Variants in SCAF1 observed in about 807,000 individuals in gnomAD.
SCAF1 encodes splicing factor, arginine/serine-rich 19.
In SCAF1, 28 loss-of-function variants were observed where a neutral mutation model predicts 91.2. The observed-to-expected ratio is 0.31, with a 90% CI of 0.23 to 0.42. The LOEUF (loss-of-function observed/expected upper bound fraction) is 0.42. Ranked by LOEUF, SCAF1 falls within the 10% of genes least tolerant of loss-of-function variation. The probability of loss-of-function intolerance (pLI) is 1.00; values close to 1 mark genes in which losing one functional copy is unlikely to be tolerated. For missense variants in SCAF1, 1,893 were observed against 1,872.1 expected, an observed-to-expected ratio of 1.01 and a Z score of -0.21; for synonymous variants, 1,036 against 833.7, an observed-to-expected ratio of 1.24 and a Z score of -4.18.
chr19:49,651,685 T>G lies in SCAF1; in HGVS notation c.1296T>G (p.Leu432=). The change falls in exon 7 of 11, where the codon CTT becomes CTG. Residue 432 remains leucine (L), a synonymous_variant. Transcript: ENST00000360565. ...AASATPTAQP[L]PQPPAPRAPE... is the part of the protein sequence containing the mutation. ...CGGCCACCCCCACGGCCCAGCCCCT[T>G]CCTCAGCCTCCCGCTCCGCGGGCCC... 4.3e-6 allele frequency: 6 copies of G among 1,399,108 alleles called. No homozygotes were observed. Among genetic ancestry groups the G allele is most frequent in the Non-Finnish European group, 5.5e-6 (6 of 1,088,308 alleles). The allele number at this position is 1,399,108 out of a possible 1,614,324, so 86.7% of individuals were successfully genotyped here.
intron 6 of SCAF1, among the ~76,000 whole-genome samples, chr19:49,650,107 T>A (rs898632090): frequency 6.6e-6 from 1 of 152,224 alleles, no homozygotes; most frequent in South Asian, 2.1e-4. Flanking sequence ...CGAAGCACCA[T>A]GCCTGGTTTG....
rs1446204343 is a variant in SCAF1, at chr19:49,651,837, G to A, written c.1448G>A (p.Arg483His). The change falls in exon 7 of 11, where the codon CGC becomes CAC. Residue 483 changes from arginine (R) to histidine (H), a missense_variant. Physicochemically the swap from Arg to His is conservative, Grantham distance 29 (BLOSUM62 0). Transcript: ENST00000360565. ...ADSRWGGLDL[R>H]RKILTQRRER... ...TCGCGCTGGGGCGGCCTGGACCTGC[G>A]CCGCAAGATCCTGACCCAACGGCGG... 5 of 1,253,182 alleles carry A rather than the reference G, an allele frequency of 4.0e-6. No individual in the cohort carries two copies. Among genetic ancestry groups the A allele is most frequent in the Non-Finnish European group, 5.0e-6 (5 of 999,600 alleles). 77.6% of individuals were successfully genotyped at this position (1,253,182 alleles called of 1,614,324 possible).
At chr19:49,647,385 G>A (rs2081061835) in intron 6 of SCAF1, among the ~76,000 whole-genome samples, 1 of 152,170 alleles carries the variant, frequency 6.6e-6, no homozygotes, top group East Asian at 1.9e-4. Context: ...CACATCACTG[G>A]GCCCACTCCC....
chr19:49,653,517 C>G lies in SCAF1; in HGVS notation c.3128C>G (p.Ala1043Gly), dbSNP rs1259664325. Residue 1043 changes from alanine (A) to glycine (G), a missense_variant, in exon 7 of 11, where the codon GCT becomes GGT. Ala to Gly is a moderately conservative substitution (Grantham distance 60). This residue lies in a region of SCAF1 where 1,436 missense variants were observed against 1,306.8 expected (regional missense o/e 1.10). Coordinates refer to ENST00000360565, the MANE Select transcript of SCAF1 (RefSeq NM_021228.3). ...GAAGAGGAGGAGGAGCAGCAGCCTG[C>G]TACCACCACGGCCACCAGCACTGCT... ...EEEEEEEQQP[A>G]TTTATSTAAA... The G allele has an allele frequency of 6.4e-7, 1 of 1,573,512 alleles. No individual in the cohort carries two copies. The highest frequency in any genetic ancestry group is 8.6e-7 in the Non-Finnish European group (1 of 1,164,052).
Position 49,653,557 on chromosome 19 carries a change from C to G in SCAF1, c.3168C>G (p.Ser1056Arg). ...TATSTAAAAPSTAPSAGSTAG... is the reference protein window; with the variant it reads ...TATSTAAAAPRTAPSAGSTAG... ...CCAGCACTGCTGCAGCCGCCCCAAG[C>G]ACTGCCCCCAGCGCGGGGTCCACAG... Residue 1056 changes from serine to arginine, a missense_variant, in exon 7 of 11, where the codon AGC becomes AGG. Physicochemically the swap from Ser to Arg is moderately radical, Grantham distance 110. Coordinates refer to ENST00000360565, the MANE Select transcript of SCAF1 (RefSeq NM_021228.3). 6.3e-7 allele frequency: 1 copy of G among 1,586,874 alleles called. No homozygotes were observed. Among genetic ancestry groups the G allele is most frequent in the Non-Finnish European group, 8.5e-7 (1 of 1,170,738 alleles).
chr19:49,654,725 C>T lies in SCAF1; in HGVS notation c.3473C>T (p.Pro1158Leu). 6.2e-7 allele frequency: 1 copy of T among 1,614,058 alleles called. No homozygotes were observed. Among genetic ancestry groups the T allele is most frequent in the Non-Finnish European group, 8.5e-7 (1 of 1,179,974 alleles). The change falls in exon 9 of 11, where the codon CCC becomes CTC. Residue 1158 changes from proline to leucine, a missense_variant. Pro to Leu is a moderately conservative substitution (Grantham distance 98). Around this residue, in one of 5 missense-constraint regions of SCAF1, gnomAD observed 1,436 missense variants for 1,306.8 expected, o/e 1.10. Transcript: ENST00000360565. ...PAPVPTSLGLPPGPSSYLLPG... is the reference protein window; with the variant it reads ...PAPVPTSLGLLPGPSSYLLPG... ...CCTGTGCCCACCTCTTTGGGTCTGC[C>T]CCCTGGCCCCTCCAGCTACCTGCTT...
chr19:49,646,860 G>T lies in SCAF1; in HGVS notation c.478+30G>T, dbSNP rs769087679. ...GTGGGGCCAGGGCGGAGCTGGGCAG[G>T]TGGTCGTGGAGTTGTGTGGGGATCG... is the stretch of plus-strand genomic sequence containing the variant. On this transcript the variant is annotated intron_variant, in intron 6 of 10. Coordinates refer to ENST00000360565, the MANE Select transcript of SCAF1 (RefSeq NM_021228.3). This position sits in a 1 kb window ranked among gnomAD's most constrained non-coding sequence, Gnocchi z 5.6. The T allele has an allele frequency of 2.0e-5, 32 of 1,564,994 alleles. No homozygotes were observed. Among genetic ancestry groups the T allele is most frequent in the African/African-American group, 2.7e-5 (2 of 73,700 alleles).
chr19:49,646,419 G>T lies in SCAF1; in HGVS notation c.262-107G>T. 1 of 1,043,090 alleles carries T rather than the reference G, an allele frequency of 9.6e-7. No homozygotes were observed. 64.6% of individuals were successfully genotyped at this position (1,043,090 alleles called of 1,614,324 possible). Reference sequence around the variant, plus strand: ...TAGGAATTAGATCCTCAGTTTTCTTGGGGATCTTAGATGTCTGGGTTCCTG... The same window carrying T: ...TAGGAATTAGATCCTCAGTTTTCTTTGGGATCTTAGATGTCTGGGTTCCTG... On this transcript the variant is annotated intron_variant, in intron 4 of 10. Coordinates refer to ENST00000360565, the MANE Select transcript of SCAF1 (RefSeq NM_021228.3). This position sits in a 1 kb window ranked among gnomAD's most constrained non-coding sequence, Gnocchi z 5.6.
At chr19:49,648,490 C>T (rs979387954) in intron 6 of SCAF1, among the ~76,000 whole-genome samples, 1 of 151,546 alleles carries the variant, frequency 6.6e-6, no homozygotes, top group Non-Finnish European at 1.5e-5. Flanking sequence ...AACTCCAGAG[C>T]TCAAGCAATC....
At position 49,652,782 on chromosome 19, in the gene SCAF1, C is replaced by G. The variant is rs1168233614; in HGVS notation, c.2393C>G (p.Pro798Arg). 1 of 1,613,320 alleles carries G rather than the reference C, an allele frequency of 6.2e-7. No individual in the cohort carries two copies. The highest frequency in any genetic ancestry group is 1.3e-5 in the African/African-American group (1 of 74,920). Residue 798 changes from proline (P) to arginine (R), a missense_variant, in exon 7 of 11, where the codon CCC (proline) becomes CGC (arginine). Physicochemically the swap from Pro to Arg is moderately radical, Grantham distance 103 (BLOSUM62 -2). This residue lies in a region of SCAF1 where 1,436 missense variants were observed against 1,306.8 expected (regional missense o/e 1.10). Coordinates refer to ENST00000360565, the MANE Select transcript of SCAF1 (RefSeq NM_021228.3). ...RDRSSKKARP[P>R]KESAPSSGPP... ...AGGTCATCCAAGAAGGCCCGGCCCC[C>G]CAAGGAGTCGGCGCCTTCCTCAGGG...
rs781716180 is a variant in SCAF1, at chr19:49,653,113, C to T, written c.2724C>T (p.Ala908=). Residue 908 remains alanine, a synonymous_variant, in exon 7 of 11, where the codon GCC becomes GCT. Coordinates refer to ENST00000360565, the MANE Select transcript of SCAF1 (RefSeq NM_021228.3). The stretch of plus-strand genomic sequence containing the variant: ...CCAAGGTCAAGGCCAAGGCAGGGGC[C>T]AAGAAAACCAAGGGGACCAAGGGAA... ...KKTKVKAKAG[A]KKTKGTKGKT... The T allele has an allele frequency of 6.2e-7, 1 of 1,611,626 alleles. No individual in the cohort carries two copies. The highest frequency in any genetic ancestry group is 8.5e-7 in the Non-Finnish European group (1 of 1,178,930).
At chr19:49,644,939 C>T in intron 1 of SCAF1, 82 bp from the exon 2 acceptor site, 1 of 922,342 alleles carries the variant, frequency 1.1e-6, no homozygotes. Context: ...AGTGTGGGGC[C>T]CTTGAGGTCT....
At chr19:49,647,181 C>G (rs1473321838) in intron 6 of SCAF1, among the ~76,000 whole-genome samples, 1 of 152,224 alleles carries the variant, frequency 6.6e-6, no homozygotes, top group Non-Finnish European at 1.5e-5. Context: ...GGGCGCACAG[C>G]CAGATGCTCC....
In SCAF1 at chr19:49,658,483, C is replaced by T; in HGVS notation, c.*84C>T. 1 of 752,968 alleles carries T rather than the reference C, an allele frequency of 1.3e-6. No homozygotes were observed. 46.6% of individuals were successfully genotyped at this position (752,968 alleles called of 1,614,324 possible). On this transcript the variant is annotated 3_prime_UTR_variant, in exon 11 of 11. Coordinates refer to ENST00000360565, the MANE Select transcript of SCAF1 (RefSeq NM_021228.3). ...CCACCTCCCCACCTCCCTCCCCCGT[C>T]AGTGGGATGACTGGGGGAGGGTTGC...
At position 49,652,591 on chromosome 19, in the gene SCAF1, C is replaced by G. The variant is rs767590134; in HGVS notation, c.2202C>G (p.Ser734=). 3.8e-6 allele frequency: 6 copies of G among 1,568,358 alleles called. No individual in the cohort carries two copies. Among genetic ancestry groups the G allele is most frequent in the East Asian group, 2.4e-5 (1 of 42,178 alleles). Residue 734 remains serine, a synonymous_variant, in exon 7 of 11, where the codon TCC becomes TCG. Transcript: ENST00000360565. ...SSPKREVLYD[S]EGLSGEERGG... ...CTAAGCGGGAGGTCCTGTACGACTC[C>G]GAGGGACTGAGCGGCGAGGAGCGGG...
At position 49,658,398 on chromosome 19, in the gene SCAF1, G is replaced by T; in HGVS notation, c.3938G>T (p.Ter1313LeuextTer12). Residue 1313 changes from the stop codon to leucine, a stop_lost, in exon 11 of 11, where the codon TGA (stop) becomes TTA (leucine). Coordinates refer to ENST00000360565, the MANE Select transcript of SCAF1 (RefSeq NM_021228.3). The part of the protein sequence containing the change: ...GGPGLPLPPL[*>L] ...CCGGGCCTGCCCCTGCCCCCTCTCT[G>T]AGAGCCCTGGCCAGCTCTTCGCCCC... The T allele has an allele frequency of 6.5e-7, 1 of 1,531,308 alleles. No homozygotes were observed. Among genetic ancestry groups the T allele is most frequent in the East Asian group, 2.4e-5 (1 of 41,238 alleles). The allele number at this position is 1,531,308 out of a possible 1,614,324, so 94.9% of individuals were successfully genotyped here.
chr19:49,642,197 C>T (rs983900582), upstream of SCAF1: 2 of 152,180 alleles, frequency 1.3e-5, no homozygotes, highest in African/African-American at 4.8e-5. The surrounding 1 kb of genome is among the most constrained non-coding windows in gnomAD (Gnocchi z 4.0). Flanking sequence ...CCGCCCCAGC[C>T]CGCCCCGCCC....
rs2081047511 is a variant in SCAF1, at chr19:49,645,155, G to A, written c.108+21G>A. ...TCCTGGTGAGGCTGCTGGGCTCCTGGCACTGAGGGATGGAGGAGCTGGGCA... is the reference window on the plus strand; with the variant it reads ...TCCTGGTGAGGCTGCTGGGCTCCTGACACTGAGGGATGGAGGAGCTGGGCA... On this transcript the variant is annotated intron_variant, in intron 2 of 10. Coordinates refer to ENST00000360565, the MANE Select transcript of SCAF1 (RefSeq NM_021228.3). The surrounding 1 kb of genome is among the most constrained non-coding windows in gnomAD (Gnocchi z 4.6). 1 of 1,603,922 alleles carries A rather than the reference G, an allele frequency of 6.2e-7. No individual in the cohort carries two copies. The highest frequency in any genetic ancestry group is 1.3e-5 in the African/African-American group (1 of 74,730).
Position 49,651,433 on chromosome 19 carries a change from G to A in SCAF1, c.1044G>A (p.Met348Ile). The A allele has an allele frequency of 1.3e-6, 2 of 1,598,312 alleles. No individual in the cohort carries two copies. The change falls in exon 7 of 11, where the codon ATG (methionine) becomes ATA (isoleucine). Residue 348 changes from methionine to isoleucine, a missense_variant. Transcript: ENST00000360565. Reference protein sequence around the residue: ...QVDSTRADGAMRRRVFVVGTE... With the variant: ...QVDSTRADGAIRRRVFVVGTE... The stretch of plus-strand genomic sequence containing the variant: ...ACTCCACCCGGGCTGATGGAGCCAT[G>A]CGCCGGCGGGTCTTCGTGGTGGGGA...
Sources: gnomAD v4.1 joint callset for allele counts (sites outside exome capture counted in the v4.1 genomes callset) on GRCh38, gnomAD v4.1.1 for gene constraint, gnomAD v4.1.1 regional missense constraint, Gnocchi (gnomAD v3.1) non-coding constraint, MANE v1.5 for transcripts, NCBI Gene and HGNC (gene_info 2026-07-23, HGNC 2026-07-21) for gene names.